MACROD2: variants seen among roughly 807,000 people sequenced by gnomAD.
MACROD2 encodes mono-ADP ribosylhydrolase 2.
In MACROD2, 36 loss-of-function variants were observed where a neutral mutation model predicts 70.4. That is an observed-to-expected ratio of 0.51 (90% CI 0.39 to 0.68). MACROD2 has a LOEUF of 0.68. Among genes scored for constraint, MACROD2 ranks in the 30% least tolerant of loss-of-function variants. The probability of loss-of-function intolerance (pLI) is 0.00; values close to 1 mark genes in which losing one functional copy is unlikely to be tolerated. For synonymous variants in MACROD2, 172 were observed against 178.8 expected (o/e 0.96, Z 0.30); for missense variants, 496 against 538.4 (o/e 0.92, Z 0.78).
chr20:15,262,445 C>T (rs2146047780), intron 6 of MACROD2, among the ~76,000 whole-genome samples: 1 of 152,064 alleles, frequency 6.6e-6, no homozygotes, highest in African/African-American at 2.4e-5. Flanking sequence ...ATTCATTCAC[C>T]TGTTGATGGA....
intron 5 of MACROD2, among the ~76,000 whole-genome samples, chr20:15,138,554 G>A (rs1352805009): frequency 6.6e-6 from 1 of 152,068 alleles, no homozygotes; most frequent in Non-Finnish European, 1.5e-5. Context: ...AGCTAGATTG[G>A]TCTAAAAGAA....
At chr20:15,066,362 G>A (rs2075575230) in intron 5 of MACROD2, among the ~76,000 whole-genome samples, 2 of 151,410 alleles carry the variant, frequency 1.3e-5, no homozygotes, top group East Asian at 2.0e-4. Flanking sequence ...TCGAACTCCC[G>A]ACCTCAGGTG....
intron 5 of MACROD2, among the ~76,000 whole-genome samples, chr20:14,720,533 CAACTTTTTTTTTTTTTTTT>C (rs1450290030): frequency 1.5e-5 from 1 of 65,572 alleles, no homozygotes; most frequent in African/African-American, 6.2e-5. Flanking sequence ...AGCTGCCCCA[CAACTTTTTTTTTTTTTTTT>C]TTTTTTTTTT....
chr20:14,730,379 C>A (rs1311390232), intron 5 of MACROD2, among the ~76,000 whole-genome samples: 1 of 152,144 alleles, frequency 6.6e-6, no homozygotes, highest in Non-Finnish European at 1.5e-5. Context: ...ATTGTAAAAG[C>A]AGCCACTGAG....
chr20:15,329,234 AAGCTT>A (rs1263573405), intron 6 of MACROD2, among the ~76,000 whole-genome samples: 2 of 152,124 alleles, frequency 1.3e-5, no homozygotes, highest in African/African-American at 4.8e-5. Context: ...CATAATGAAA[AAGCTT>A]AGAGACAATC....
chr20:14,717,253 C>A (rs2071407402), intron 5 of MACROD2, among the ~76,000 whole-genome samples: 1 of 152,104 alleles, frequency 6.6e-6, no homozygotes, highest in East Asian at 1.9e-4. Context: ...CAGTTGTTTG[C>A]ATAATTGACA....
chr20:15,916,720 C>T (rs901368274), intron 10 of MACROD2, among the ~76,000 whole-genome samples: 1 of 152,206 alleles, frequency 6.6e-6, no homozygotes, highest in Non-Finnish European at 1.5e-5. Context: ...ATGTCAGACA[C>T]GGGCACTTTG....
At chr20:14,850,610 C>T (rs2073189700) in intron 5 of MACROD2, 3 of 152,162 alleles carry the variant, frequency 2.0e-5, no homozygotes, top group Admixed American at 1.3e-4. Context: ...AAATCCAGGA[C>T]ACCCCACACT....
chr20:14,955,428 T>C (rs1178269922), intron 5 of MACROD2, among the ~76,000 whole-genome samples: 1 of 151,062 alleles, frequency 6.6e-6, no homozygotes, highest in Non-Finnish European at 1.5e-5. Context: ...TAATGTTCCA[T>C]GGTCTACACA....
intron 6 of MACROD2, among the ~76,000 whole-genome samples, chr20:15,379,135 G>A (rs1487333304): frequency 6.6e-6 from 1 of 151,994 alleles, no homozygotes; most frequent in African/African-American, 2.4e-5. Flanking sequence ...AGTTATTATT[G>A]GTTATATCAA....
At chr20:15,600,169 G>A (rs2048800009) in intron 8 of MACROD2, among the ~76,000 whole-genome samples, 1 of 151,966 alleles carries the variant, frequency 6.6e-6, no homozygotes, top group South Asian at 2.1e-4. Flanking sequence ...TAAGCCACTG[G>A]AGCAAGGCAG....
chr20:15,895,497 T>C (rs1369254912), intron 10 of MACROD2, among the ~76,000 whole-genome samples: 3 of 152,218 alleles, frequency 2.0e-5, no homozygotes, highest in African/African-American at 2.4e-5. Context: ...CAGCGGTGGA[T>C]GATTCCATGA....
At chr20:14,483,484 G>A (rs982305121) in intron 3 of MACROD2, among the ~76,000 whole-genome samples, 37 of 151,988 alleles carry the variant, frequency 2.4e-4, no homozygotes, top group Admixed American at 1.9e-3. Flanking sequence ...TTGGCTCACC[G>A]CAACCTCCAC....
chr20:14,787,205 AC>A (rs1310884901), intron 5 of MACROD2, among the ~76,000 whole-genome samples: 2 of 152,254 alleles, frequency 1.3e-5, no homozygotes, highest in Non-Finnish European at 2.9e-5. Flanking sequence ...AGTTTTAATA[AC>A]TAATTTGAAG....
intron 5 of MACROD2, among the ~76,000 whole-genome samples, chr20:15,156,477 T>C (rs930773935): frequency 1.3e-5 from 2 of 152,224 alleles, no homozygotes; most frequent in Admixed American, 6.5e-5. Flanking sequence ...ATCTCTCATT[T>C]ACTTATAATA....
At chr20:15,185,472 A>G (rs1473137515) in intron 5 of MACROD2, among the ~76,000 whole-genome samples, 3 of 152,206 alleles carry the variant, frequency 2.0e-5, no homozygotes, top group Admixed American at 6.5e-5. Context: ...AACATGCTGT[A>G]TCATTTATCT....
At chr20:15,796,504 T>G (rs1478854571) in intron 8 of MACROD2, among the ~76,000 whole-genome samples, 1 of 152,232 alleles carries the variant, frequency 6.6e-6, no homozygotes, top group Non-Finnish European at 1.5e-5. Flanking sequence ...TTATTTAATA[T>G]TAGCTGTGAT....
At chr20:15,894,082 G>A (rs908027066) in intron 10 of MACROD2, 66 of 377,118 alleles carry the variant, frequency 1.8e-4, no homozygotes, top group Non-Finnish European at 3.3e-4. Context: ...ATGCCACAGG[G>A]GTTCTCAACA....
At chr20:14,913,322 T>C (rs1297314210) in intron 5 of MACROD2, among the ~76,000 whole-genome samples, 4 of 152,162 alleles carry the variant, frequency 2.6e-5, no homozygotes, top group Non-Finnish European at 5.9e-5. Flanking sequence ...ACAAACATCA[T>C]TTATGGATTG....
Sources: allele counts gnomAD v4.1 joint callset (sites outside exome capture counted in the v4.1 genomes callset), GRCh38; gene constraint gnomAD v4.1.1; transcripts MANE v1.5; gene names NCBI Gene and HGNC (gene_info 2026-07-23, HGNC 2026-07-21).